Variants in TRAPPC2L observed in about 807,000 individuals in gnomAD.
The protein encoded by TRAPPC2L is trafficking protein particle complex subunit 2L, also known as trafficking protein particle complex subunit 2-like protein.
A neutral mutation model predicts 13.2 loss-of-function variants in TRAPPC2L; 17 were observed. That is an observed-to-expected ratio of 1.29 (90% confidence interval 0.88 to 1.93). The LOEUF is 1.93. Among genes scored for constraint, TRAPPC2L ranks in the 30% most tolerant of loss-of-function variants. The pLI is 0.00. For missense variants in TRAPPC2L, 359 were observed against 252.1 expected (o/e 1.42, Z -2.87); for synonymous variants, 150 against 98.1 (o/e 1.53, Z -3.12).
chr16:88,860,208 C>G (rs1473532270), exon 4 of TRAPPC2L: 4 of 706,734 alleles, frequency 5.7e-6, no homozygotes, highest in African/African-American at 3.5e-5. Context: ...GGGAGTAGAG[C>G]TTGCCCATTT....
At chr16:88,859,780 G>T (rs758851368) in intron 3 of TRAPPC2L, 30 bp downstream of exon 3, 2 of 1,598,158 alleles carry the variant, frequency 1.3e-6, no homozygotes, top group South Asian at 2.3e-5. Flanking sequence ...GGCCACGCCC[G>T]AGTGGGTGTT....
At position 88,860,934 on chromosome 16, in the gene TRAPPC2L, C is replaced by T. The variant is rs957732930; in HGVS notation, c.*610C>T. 21 of 1,594,088 alleles carry T rather than the reference C, an allele frequency of 1.3e-5. No individual in the cohort carries two copies. Among genetic ancestry groups the T allele is most frequent in the African/African-American group, 2.7e-5 (2 of 74,822 alleles). ...AGCAGGGCCTTTGATAACATGGTGACGTCGATGATGATACAGGTGTGCTGA... is the reference window on the plus strand; with the variant it reads ...AGCAGGGCCTTTGATAACATGGTGATGTCGATGATGATACAGGTGTGCTGA... On this transcript the variant is annotated 3_prime_UTR_variant, in exon 4 of 4. Coordinates refer to ENST00000565504, the Ensembl canonical transcript of TRAPPC2L.
chr16:88,856,928 G>T (rs1017343183), upstream of TRAPPC2L: 107 of 1,478,958 alleles, frequency 7.2e-5, no homozygotes, highest in Non-Finnish European at 9.3e-5. Flanking sequence ...CCTAGCGAGC[G>T]TCCGCCGGCC....
intron 1 of TRAPPC2L, chr16:88,857,448 C>G (rs113260895): frequency 1.4e-5 from 6 of 443,130 alleles, no homozygotes; most frequent in East Asian, 3.6e-5. Context: ...CACCAGAAAC[C>G]TAGGTGGTCC....
At chr16:88,857,238 T>C (rs767046911) in intron 1 of TRAPPC2L, 55 bp downstream of exon 1, 1 of 1,411,400 alleles carries the variant, frequency 7.1e-7, no homozygotes, top group Non-Finnish European at 9.5e-7. Context: ...GCTCTCCGCT[T>C]TCTTTCTACT....
At chr16:88,861,030 T>A in exon 4 of TRAPPC2L, 2 of 1,495,110 alleles carry the variant, frequency 1.3e-6, no homozygotes, top group Non-Finnish European at 1.8e-6. Context: ...TCTGTTCTGG[T>A]TGCCTCTTCC....
At chr16:88,859,267 T>C in intron 2 of TRAPPC2L, 1 of 571,426 alleles carries the variant, frequency 1.8e-6, no homozygotes, top group South Asian at 1.5e-5. Flanking sequence ...TGACATTTGC[T>C]AGTAGCCACT....
exon 4 of TRAPPC2L, chr16:88,859,943 C>T (rs758739127): frequency 1.1e-5 from 17 of 1,613,810 alleles, no homozygotes; most frequent in East Asian, 4.5e-5. Flanking sequence ...GCAACCCCTT[C>T]TACAACCCGG....
chr16:88,860,578 C>A (rs917865217), exon 4 of TRAPPC2L: 14 of 588,666 alleles, frequency 2.4e-5, no homozygotes, highest in African/African-American at 2.0e-4. Context: ...CATCCTGGTC[C>A]CAGATGGGAG....
chr16:88,858,871 T>G, intron 2 of TRAPPC2L, 80 bp downstream of exon 2: 1 of 1,462,178 alleles, frequency 6.8e-7, no homozygotes, highest in Non-Finnish European at 9.2e-7. Flanking sequence ...CTTGAAACCT[T>G]TTAGAAGAAA....
At chr16:88,859,229 CA>C (rs1408712246) in intron 2 of TRAPPC2L, 1 of 520,966 alleles carries the variant, frequency 1.9e-6, no homozygotes, top group African/African-American at 1.9e-5. Context: ...AAGACCTTCC[CA>C]AAAGTCATCA....
At chr16:88,859,948 A>T in exon 4 of TRAPPC2L, 1 of 1,515,296 alleles carries the variant, frequency 6.6e-7, no homozygotes, top group South Asian at 1.1e-5. Flanking sequence ...CCCTTCTACA[A>T]CCCGGGGGAC....
exon 4 of TRAPPC2L, chr16:88,860,938 G>A (rs1271013513): frequency 3.1e-6 from 5 of 1,593,606 alleles, no homozygotes; most frequent in South Asian, 1.1e-5. Context: ...TGGTGACGTC[G>A]ATGATGATAC....
chr16:88,859,246 C>T (rs919451347), intron 2 of TRAPPC2L: 14 of 544,794 alleles, frequency 2.6e-5, no homozygotes, highest in African/African-American at 2.1e-4. Context: ...CATCATGTAG[C>T]CTGTCCATGG....
chr16:88,858,941 T>A (rs1968183649), intron 2 of TRAPPC2L, 150 bp downstream of exon 2: 2 of 750,122 alleles, frequency 2.7e-6, no homozygotes, highest in Non-Finnish European at 4.2e-6. Flanking sequence ...AATGAAGGCC[T>A]GTAACTCTTC....
At chr16:88,856,560 T>TGCC, upstream of TRAPPC2L, 2 of 548,316 alleles carry the variant, frequency 3.6e-6, no homozygotes, top group African/African-American at 3.0e-5. Flanking sequence ...CCGAGGGGCC[T>TGCC]CCCCCTCCCC....
At chr16:88,856,400 G>A (rs1967883872), upstream of TRAPPC2L, 1 of 701,560 alleles carries the variant, frequency 1.4e-6, no homozygotes, top group Non-Finnish European at 2.6e-6. Flanking sequence ...AGTAGAGGGC[G>A]GGAAAGGTCA....
chr16:88,860,618 C>A, exon 4 of TRAPPC2L: 1 of 591,716 alleles, frequency 1.7e-6, no homozygotes, highest in Non-Finnish European at 3.0e-6. Flanking sequence ...AGTCTTGCCT[C>A]CTGGGCTGCA....
At chr16:88,857,108 C>G (rs925933977), upstream of TRAPPC2L, 14 of 1,521,972 alleles carry the variant, frequency 9.2e-6, no homozygotes, top group Non-Finnish European at 1.2e-5. Flanking sequence ...GCGTGACCAG[C>G]GGCGGGTCAC....
Sources: gnomAD v4.1 joint callset for allele counts on GRCh38, gnomAD v4.1.1 for gene constraint, MANE v1.5 for transcripts, NCBI Gene and HGNC (gene_info 2026-07-23, HGNC 2026-07-21) for gene names.